Variants in CALN1 observed in about 807,000 individuals in gnomAD.
CALN1 encodes the protein calcium-binding protein 8.
CALN1 carries 17 observed loss-of-function variants against 30.6 expected under a neutral mutation model. The ratio of observed to expected loss-of-function variants is 0.56; its 90% CI spans 0.38 to 0.83. The LOEUF is 0.83. Ranked by LOEUF, CALN1 falls within the 40% of genes least tolerant of loss-of-function variation. The pLI is 0.00. For missense variants in CALN1, 291 were observed against 354.9 expected, an observed-to-expected ratio of 0.82 and a Z score of 1.45; for synonymous variants, 156 against 131.4, an observed-to-expected ratio of 1.19 and a Z score of -1.28.
intron 1 of CALN1, among the ~76,000 whole-genome samples, chr7:72,405,233 A>G (rs1294213697): frequency 6.6e-6 from 1 of 152,210 alleles, no homozygotes; most frequent in Non-Finnish European, 1.5e-5. Flanking sequence ...CATCTCACCA[A>G]ACAGCACATG....
At chr7:72,040,826 T>G (rs1220759363) in intron 4 of CALN1, among the ~76,000 whole-genome samples, 1 of 152,012 alleles carries the variant, frequency 6.6e-6, no homozygotes, top group Non-Finnish European at 1.5e-5. Context: ...GAAGAGAGGC[T>G]TCAGTAGAAA....
the CALN1 span, among the ~76,000 whole-genome samples, chr7:72,486,571 C>T: frequency 6.6e-6 from 1 of 151,986 alleles, no homozygotes; most frequent in Non-Finnish European, 1.5e-5. Flanking sequence ...CTGAGTTTCA[C>T]CATGTTGGCC....
At chr7:72,364,558 G>A (rs1028318983) in intron 2 of CALN1, among the ~76,000 whole-genome samples, 3 of 152,124 alleles carry the variant, frequency 2.0e-5, no homozygotes, top group African/African-American at 7.2e-5. Flanking sequence ...TCTTAGAAAA[G>A]TGCCTGGCAA....
At chr7:71,922,663 TAACA>T (rs531392932) in intron 5 of CALN1, among the ~76,000 whole-genome samples, 1,561 of 138,062 alleles carry the variant, frequency 0.011, 24 homozygotes, top group African/African-American at 0.037. Context: ...TATAAATATA[TAACA>T]TACAGAATAT....
At chr7:72,375,341 T>C (rs754942689) in intron 2 of CALN1, among the ~76,000 whole-genome samples, 35 of 152,144 alleles carry the variant, frequency 2.3e-4, no homozygotes, top group Non-Finnish European at 2.9e-4. Context: ...AGCAGGAAGA[T>C]TGCTTGAGCC....
chr7:72,335,807 G>T (rs758222659), intron 2 of CALN1, among the ~76,000 whole-genome samples: 1 of 152,200 alleles, frequency 6.6e-6, no homozygotes, highest in Non-Finnish European at 1.5e-5. Context: ...GACGCAAGCC[G>T]ATCCCCTCGG....
At position 72,208,067 on chromosome 7, in the gene CALN1, C is replaced by A. The variant is rs1163892184; in HGVS notation, c.244+70619G>T. Among the ~76,000 whole-genome samples the A allele has an allele frequency of 5.9e-5, 9 of 152,208 alleles. No homozygotes were observed. The East Asian group carries it at 1.7e-3, about 29-fold the overall frequency. Reference sequence around the variant, plus strand: ...ACAATCAACCAATAAAACAGAGAGGCTTTTTAAATGAAAAATTCACATTTT... The same window carrying A: ...ACAATCAACCAATAAAACAGAGAGGATTTTTAAATGAAAAATTCACATTTT... On this transcript the variant is annotated intron_variant, in intron 3 of 6. Coordinates refer to ENST00000395275, the MANE Select transcript of CALN1 (RefSeq NM_031468.4).
In CALN1 at chr7:72,278,472, T is replaced by TACACACACACACACAC. The variant is rs59010102; in HGVS notation, c.244+198_244+213dup. Among the ~76,000 whole-genome samples the TACACACACACACACAC allele has an allele frequency of 3.4e-3, 490 of 144,064 alleles. 2 individuals are homozygous for TACACACACACACACAC. Among genetic ancestry groups the TACACACACACACACAC allele is most frequent in the Middle Eastern group, 7.1e-3 (2 of 280 alleles). The allele number at this position is 144,064 out of a possible 152,430, so 94.5% of individuals were successfully genotyped here. A position where few individuals can be genotyped will look rare whatever the true frequency, so the allele number is the denominator to read the frequency against. ...TAGATTGCTCAGGCTATCAGGTCTG[T>TACACACACACACACAC]ACACACACACACACACACACACACA... On this transcript the variant is annotated intron_variant, in intron 3 of 6. Transcript: ENST00000395275.
chr7:72,106,933 G>C (rs368553122), intron 3 of CALN1, among the ~76,000 whole-genome samples: 1 of 149,618 alleles, frequency 6.7e-6, no homozygotes, highest in Non-Finnish European at 1.5e-5. Flanking sequence ...AACGCAGGCA[G>C]ACAAGGAAAA....
chr7:72,235,549 C>T (rs1794417051), intron 3 of CALN1, among the ~76,000 whole-genome samples: 1 of 152,138 alleles, frequency 6.6e-6, no homozygotes, highest in Non-Finnish European at 1.5e-5. Flanking sequence ...GTCCCACACA[C>T]TCTGCTGTGC....
intron 5 of CALN1, among the ~76,000 whole-genome samples, chr7:71,939,860 C>G (rs1049378148): frequency 6.6e-6 from 1 of 152,086 alleles, no homozygotes; most frequent in African/African-American, 2.4e-5. Flanking sequence ...CATACTCTTG[C>G]CAAACTCCCT....
intron 6 of CALN1, among the ~76,000 whole-genome samples, chr7:71,798,069 G>C (rs914447147): frequency 7.7e-6 from 1 of 129,192 alleles, no homozygotes; most frequent in Non-Finnish European, 1.6e-5. Flanking sequence ...GACAGAGAGA[G>C]AGAGAGAGAC....
chr7:72,040,325 A>G (rs1425902116), intron 4 of CALN1, among the ~76,000 whole-genome samples: 1 of 75,626 alleles, frequency 1.3e-5, no homozygotes, highest in African/African-American at 5.3e-5. Context: ...AATTACAATA[A>G]AAAAAAAAAA....
chr7:71,922,500 T>C (rs901746388), intron 5 of CALN1, among the ~76,000 whole-genome samples: 1 of 145,302 alleles, frequency 6.9e-6, no homozygotes. Flanking sequence ...ATATATAATA[T>C]ATAAATACAC....
chr7:72,245,659 T>G (rs940508078), intron 3 of CALN1, among the ~76,000 whole-genome samples: 7 of 144,076 alleles, frequency 4.9e-5, no homozygotes, highest in African/African-American at 1.3e-4. Flanking sequence ...AATAAATAAA[T>G]AAAGTTGAGT....
intron 5 of CALN1, among the ~76,000 whole-genome samples, chr7:71,928,700 T>A (rs1177001658): frequency 6.6e-6 from 1 of 152,056 alleles, no homozygotes. Context: ...AACAACAGAT[T>A]CTACAACTGA....
At chr7:72,173,001 G>T (rs1279545455) in intron 3 of CALN1, among the ~76,000 whole-genome samples, 11 of 150,218 alleles carry the variant, frequency 7.3e-5, no homozygotes, top group Non-Finnish European at 1.0e-4. Flanking sequence ...TTTTTTTTTT[G>T]AAGATCTTAA....
chr7:72,323,861 T>C (rs908533361), intron 2 of CALN1, among the ~76,000 whole-genome samples: 2 of 151,728 alleles, frequency 1.3e-5, no homozygotes, highest in South Asian at 2.1e-4. Flanking sequence ...CTGGGAAACA[T>C]AGCGAAACCC....
intron 5 of CALN1, among the ~76,000 whole-genome samples, chr7:71,945,513 A>G (rs369668581): frequency 6.6e-6 from 1 of 152,230 alleles, no homozygotes; most frequent in South Asian, 2.1e-4. Context: ...CAGGCTACAC[A>G]GCAGGAGGTG....
Sources: gnomAD v4.1 joint callset for allele counts (sites outside exome capture counted in the v4.1 genomes callset) on GRCh38, gnomAD v4.1.1 for gene constraint, MANE v1.5 for transcripts, NCBI Gene and HGNC (gene_info 2026-07-23, HGNC 2026-07-21) for gene names.